BCAP29: variants seen among roughly 807,000 people sequenced by gnomAD.
BCAP29 encodes the protein B cell receptor associated protein 29.
BCAP29 carries 34 observed loss-of-function variants against 31.8 expected under a neutral mutation model. That is an observed-to-expected ratio of 1.07 (90% CI 0.81 to 1.42). BCAP29 has a LOEUF of 1.42. Among genes scored for constraint, BCAP29 ranks in the 40% most tolerant of loss-of-function variants. The pLI is 0.00. For missense variants in BCAP29, 314 were observed against 269.2 expected (o/e 1.17, Z -1.16); for synonymous variants, 104 against 91.3 (o/e 1.14, Z -0.79).
intron 6 of BCAP29, among the ~76,000 whole-genome samples, chr7:107,606,223 A>G (rs1452578942): frequency 6.6e-6 from 1 of 152,190 alleles, no homozygotes; most frequent in Non-Finnish European, 1.5e-5. Context: ...ACACTGGGTA[A>G]TCTTGGTGAA....
intron 2 of BCAP29, among the ~76,000 whole-genome samples, chr7:107,581,588 C>T (rs75384005): frequency 6.6e-6 from 1 of 152,100 alleles, no homozygotes; most frequent in Non-Finnish European, 1.5e-5. Context: ...TGGGGAAATA[C>T]ACATGTAATA....
In BCAP29 at chr7:107,618,450, C is replaced by T; in HGVS notation, c.*87C>T. The T allele has an allele frequency of 1.2e-6, 2 of 1,612,732 alleles. No individual in the cohort carries two copies. The highest frequency in any genetic ancestry group is 8.5e-7 in the Non-Finnish European group (1 of 1,179,216). ...TAGAAAATTTAAGTTCAGAAAAATG[C>T]ACTATGACCGGTTCGTAATTTTTTT... On this transcript the variant is annotated 3_prime_UTR_variant, in exon 8 of 8. Transcript: ENST00000005259.
intron 2 of BCAP29, among the ~76,000 whole-genome samples, chr7:107,582,609 T>G (rs978932683): frequency 6.6e-6 from 1 of 152,160 alleles, no homozygotes; most frequent in Non-Finnish European, 1.5e-5. Context: ...AAAATGGAGG[T>G]AGTACTAGTG....
chr7:107,622,073 C>T (rs61743132), downstream of BCAP29: 4,564 of 430,454 alleles, frequency 0.011, 192 homozygotes, highest in African/African-American at 0.086. Flanking sequence ...TCTCCTTCAA[C>T]TGTATTTTGC....
intron 5 of BCAP29, 32 bp from the exon 6 acceptor site, chr7:107,600,365 C>A: frequency 7.4e-7 from 1 of 1,343,126 alleles, no homozygotes; most frequent in African/African-American, 1.4e-5. Context: ...GCAATCTAAG[C>A]TTATTTCTTC....
Position 107,619,305 on chromosome 7 carries a change from T to C in BCAP29, c.*942T>C, listed in dbSNP as rs1814701606. 1 of 152,528 alleles carries C rather than the reference T, an allele frequency of 6.6e-6. No individual in the cohort carries two copies. The highest frequency in any genetic ancestry group is 2.4e-5 in the African/African-American group (1 of 41,452). 9.4% of individuals were successfully genotyped at this position (152,528 alleles called of 1,614,324 possible). Reference sequence around the variant, plus strand: ...CTGAAAGCTAAATATTAAGTACTATTTTTCCATTCAAATATTCATTTAGAA... The same window carrying C: ...CTGAAAGCTAAATATTAAGTACTATCTTTCCATTCAAATATTCATTTAGAA... On this transcript the variant is annotated 3_prime_UTR_variant, in exon 8 of 8. Transcript: ENST00000005259.
At chr7:107,606,886 T>C (rs1812198944) in intron 6 of BCAP29, among the ~76,000 whole-genome samples, 1 of 152,232 alleles carries the variant, frequency 6.6e-6, no homozygotes, top group Non-Finnish European at 1.5e-5. Flanking sequence ...TGGAGCACCT[T>C]TTACTTTTTT....
At chr7:107,593,914 C>T (rs775060232) in intron 3 of BCAP29, 41 bp from the exon 4 acceptor site, 13 of 1,542,524 alleles carry the variant, frequency 8.4e-6, no homozygotes, top group Middle Eastern at 1.7e-4. Context: ...AGCTTATATT[C>T]GTAAAAGCCA....
Position 107,594,050 on chromosome 7 carries a change from C to A in BCAP29, c.289C>A (p.Leu97Ile). ...TGCCTATGAACACACACAGATGAAA[C>A]TTTTTAGGTCTCAAAGAAATCTTTA... ...PDAYEHTQMK[L>I]FRSQRNLYIS... The change falls in exon 4 of 8, where the codon CTT (leucine) becomes ATT (isoleucine). Residue 97 changes from leucine to isoleucine, a missense_variant. Transcript: ENST00000005259. 1 of 1,613,716 alleles carries A rather than the reference C, an allele frequency of 6.2e-7. No individual in the cohort carries two copies. The highest frequency in any genetic ancestry group is 1.1e-5 in the South Asian group (1 of 91,068).
At chr7:107,614,006 TTG>T (rs1236208868) in intron 7 of BCAP29, among the ~76,000 whole-genome samples, 1 of 152,208 alleles carries the variant, frequency 6.6e-6, no homozygotes, top group Non-Finnish European at 1.5e-5. Flanking sequence ...CCTGTTAGGC[TTG>T]TCTTTCCTCC....
chr7:107,588,153 G>A (rs918187970), intron 3 of BCAP29, among the ~76,000 whole-genome samples: 2 of 152,186 alleles, frequency 1.3e-5, no homozygotes, highest in African/African-American at 4.8e-5. Flanking sequence ...TTTAAAAGCT[G>A]TTTTATGTAT....
At chr7:107,617,609 T>G (rs1231285625) in intron 7 of BCAP29, among the ~76,000 whole-genome samples, 1 of 152,212 alleles carries the variant, frequency 6.6e-6, no homozygotes, top group African/African-American at 2.4e-5. Flanking sequence ...TAAAGCTTTG[T>G]TTTTTATCAA....
chr7:107,601,358 T>G (rs894373990), intron 6 of BCAP29, among the ~76,000 whole-genome samples: 9 of 152,120 alleles, frequency 5.9e-5, no homozygotes, highest in Admixed American at 1.3e-4. Context: ...GTATTTGAAT[T>G]TGAGATGAAA....
At chr7:107,585,663 G>A (rs1807518023) in intron 3 of BCAP29, among the ~76,000 whole-genome samples, 1 of 152,098 alleles carries the variant, frequency 6.6e-6, no homozygotes, top group African/African-American at 2.4e-5. Context: ...TGTAAGGGAG[G>A]GGAGTTGTAG....
At chr7:107,608,676 TA>T (rs966234550) in intron 6 of BCAP29, among the ~76,000 whole-genome samples, 2 of 152,230 alleles carry the variant, frequency 1.3e-5, no homozygotes, top group African/African-American at 4.8e-5. Flanking sequence ...AACATGAGTA[TA>T]TTTTCATCAA....
chr7:107,588,050 TCTTAA>T (rs1224990899), intron 3 of BCAP29: 2 of 152,206 alleles, frequency 1.3e-5, no homozygotes, highest in Non-Finnish European at 2.9e-5. Flanking sequence ...AACATAGTAC[TCTTAA>T]CTTTTTACCT....
chr7:107,600,553 T>C, intron 6 of BCAP29, 48 bp downstream of exon 6: 9 of 1,117,556 alleles, frequency 8.1e-6, no homozygotes, highest in Non-Finnish European at 1.2e-5. Context: ...CATGATATTT[T>C]ATGCTGTACA....
At chr7:107,607,026 C>T (rs950881352) in intron 6 of BCAP29, among the ~76,000 whole-genome samples, 2 of 152,192 alleles carry the variant, frequency 1.3e-5, no homozygotes, top group Non-Finnish European at 2.9e-5. Context: ...TTAGAAATGT[C>T]CTCTGAGGCC....
intron 7 of BCAP29, chr7:107,613,650 A>G (rs142168570): frequency 2.5e-6 from 4 of 1,602,696 alleles, no homozygotes; most frequent in African/African-American, 2.9e-5. Context: ...TTGCATACTT[A>G]CAGCATTCCA....
Sources: gnomAD v4.1 joint callset for allele counts (sites outside exome capture counted in the v4.1 genomes callset) on GRCh38, gnomAD v4.1.1 for gene constraint, MANE v1.5 for transcripts, NCBI Gene and HGNC (gene_info 2026-07-23, HGNC 2026-07-21) for gene names.